Variants in CEP112 observed in about 807,000 individuals in gnomAD.
The protein encoded by CEP112 is centrosomal protein of 112 kDa.
CEP112 carries 127 observed loss-of-function variants against 153.0 expected under a neutral mutation model. The observed-to-expected ratio is 0.83, with a 90% CI of 0.72 to 0.96. CEP112 has a LOEUF of 0.96. Ranked by LOEUF, CEP112 falls within the 40% of genes least tolerant of loss-of-function variation. The probability of loss-of-function intolerance (pLI) is 0.00; values close to 1 mark genes in which losing one functional copy is unlikely to be tolerated. For missense variants in CEP112, 1,089 were observed against 1,101.2 expected (o/e 0.99, Z 0.16); for synonymous variants, 358 against 374.4 (o/e 0.96, Z 0.51).
intron 19 of CEP112, among the ~76,000 whole-genome samples, chr17:65,920,531 G>A (rs2060686484): frequency 6.7e-6 from 1 of 149,390 alleles, no homozygotes; most frequent in Admixed American, 6.7e-5. Flanking sequence ...CCTAATAACT[G>A]TGGGCTTTTA....
At chr17:66,164,573 A>G (rs2146786439) in intron 4 of CEP112, among the ~76,000 whole-genome samples, 1 of 138,058 alleles carries the variant, frequency 7.2e-6, no homozygotes, top group East Asian at 2.3e-4. Context: ...AAAAAAAAAA[A>G]AATGGCCAGC....
intron 20 of CEP112, among the ~76,000 whole-genome samples, chr17:65,870,400 T>C (rs574998367): frequency 3.0e-4 from 45 of 152,216 alleles, no homozygotes; most frequent in Non-Finnish European, 6.3e-4. Context: ...AGAAGTTTCA[T>C]AGCACATTGA....
chr17:65,830,515 T>C (rs1181198936), intron 21 of CEP112, among the ~76,000 whole-genome samples: 1 of 151,908 alleles, frequency 6.6e-6, no homozygotes, highest in African/African-American at 2.4e-5. Context: ...CAAACTGGGG[T>C]GAACTGGGGA....
intron 4 of CEP112, among the ~76,000 whole-genome samples, chr17:66,172,294 T>C (rs2072278214): frequency 6.6e-6 from 1 of 152,082 alleles, no homozygotes; most frequent in Non-Finnish European, 1.5e-5. Flanking sequence ...CCTCTACACA[T>C]GGGATGAAGG....
intron 5 of CEP112, 140 bp downstream of exon 5, chr17:66,132,530 C>T (rs1056323961): frequency 3.0e-6 from 2 of 669,332 alleles, no homozygotes; most frequent in Non-Finnish European, 5.3e-6. Flanking sequence ...CCTTCTTTAA[C>T]ATCAGGATGT....
intron 20 of CEP112, among the ~76,000 whole-genome samples, chr17:65,857,378 G>C (rs1393633651): frequency 6.6e-6 from 1 of 152,138 alleles, no homozygotes; most frequent in African/African-American, 2.4e-5. Context: ...TGCTAAGAAG[G>C]GTTAATGATC....
intron 21 of CEP112, among the ~76,000 whole-genome samples, chr17:65,836,955 G>A (rs568632477): frequency 1.6e-4 from 24 of 152,198 alleles, no homozygotes; most frequent in South Asian, 1.5e-3. Flanking sequence ...GGTGCGCGCC[G>A]CCACGCCTGA....
chr17:66,015,454 T>C (rs995966025), intron 16 of CEP112, among the ~76,000 whole-genome samples: 1 of 152,222 alleles, frequency 6.6e-6, no homozygotes, highest in Non-Finnish European at 1.5e-5. Flanking sequence ...AGTAATTTTA[T>C]TTTTCAAAAA....
At chr17:66,007,702 CAG>C (rs1432476546) in intron 16 of CEP112, among the ~76,000 whole-genome samples, 1 of 152,000 alleles carries the variant, frequency 6.6e-6, no homozygotes, top group African/African-American at 2.4e-5. Flanking sequence ...GAAAAACACA[CAG>C]AGAAAAGTCA....
chr17:65,864,913 AGTGTGTGTGTGTGTGT>A (rs6146121), intron 20 of CEP112, among the ~76,000 whole-genome samples: 16,916 of 144,414 alleles, frequency 0.12, 1,023 homozygotes, highest in Non-Finnish European at 0.15. Context: ...GGGGTAAGCA[AGTGTGTGTGTGTGTGT>A]GTGTGTGTGT....
At chr17:65,744,436 C>CG (rs2051322069) in intron 22 of CEP112, among the ~76,000 whole-genome samples, 1 of 151,860 alleles carries the variant, frequency 6.6e-6, no homozygotes. Flanking sequence ...TTAGTAGAGA[C>CG]GAGTTTCACC....
intron 18 of CEP112, among the ~76,000 whole-genome samples, chr17:65,951,342 C>T (rs983316429): frequency 6.6e-5 from 10 of 152,100 alleles, no homozygotes; most frequent in South Asian, 2.1e-4. Flanking sequence ...TGTAATTCGC[C>T]AGTGAAGCCA....
chr17:66,002,792 G>C (rs1189914899), intron 17 of CEP112, among the ~76,000 whole-genome samples: 3 of 152,054 alleles, frequency 2.0e-5, no homozygotes, highest in African/African-American at 7.2e-5. Flanking sequence ...ATGCACAGAA[G>C]AAATAAACCC....
intron 23 of CEP112, among the ~76,000 whole-genome samples, chr17:65,695,312 A>G (rs2048303292): frequency 6.6e-6 from 1 of 152,242 alleles, no homozygotes; most frequent in Non-Finnish European, 1.5e-5. Flanking sequence ...TGGGCTCTTC[A>G]GGGTGAGGAA....
intron 16 of CEP112, among the ~76,000 whole-genome samples, chr17:66,009,218 T>C (rs887054442): frequency 2.0e-5 from 3 of 151,728 alleles, no homozygotes; most frequent in African/African-American, 7.3e-5. Flanking sequence ...TGTGTGTGTG[T>C]GTGTGTGTGT....
At chr17:65,681,347 C>T (rs186959376) in intron 24 of CEP112, among the ~76,000 whole-genome samples, 2 of 152,136 alleles carry the variant, frequency 1.3e-5, no homozygotes, top group Admixed American at 1.3e-4. Flanking sequence ...ACCCTGCCTA[C>T]CAATCTGCTC....
chr17:65,850,980 C>T (rs2057911207), intron 21 of CEP112, among the ~76,000 whole-genome samples: 1 of 152,200 alleles, frequency 6.6e-6, no homozygotes, highest in South Asian at 2.1e-4. Context: ...CTTAGGATCT[C>T]AGTCTATGTA....
intron 4 of CEP112, among the ~76,000 whole-genome samples, chr17:66,168,266 C>T (rs1179358476): frequency 1.3e-5 from 2 of 152,094 alleles, no homozygotes; most frequent in African/African-American, 2.4e-5. Context: ...CACACGAACA[C>T]ATATGTATCC....
chr17:66,058,365 A>G (rs1285328077), intron 11 of CEP112, among the ~76,000 whole-genome samples: 1 of 152,122 alleles, frequency 6.6e-6, no homozygotes, highest in Non-Finnish European at 1.5e-5. Context: ...ATAAAACCAA[A>G]ATGTGAGAAA....
Sources: allele counts gnomAD v4.1 joint callset (sites outside exome capture counted in the v4.1 genomes callset), GRCh38; gene constraint gnomAD v4.1.1; transcripts MANE v1.5; gene names NCBI Gene and HGNC (gene_info 2026-07-23, HGNC 2026-07-21).